Variants in EDNRB observed in about 807,000 individuals in gnomAD.
EDNRB encodes Hirschsprung disease 2.
In EDNRB, 18 loss-of-function variants were observed where a neutral mutation model predicts 46.4. That is an observed-to-expected ratio of 0.39 (90% CI 0.27 to 0.57). The LOEUF is 0.57. Among genes scored for constraint, EDNRB ranks in the 20% least tolerant of loss-of-function variants. The pLI, the probability that EDNRB is intolerant of heterozygous loss-of-function variation, is 0.61. For missense variants in EDNRB, 434 were observed against 537.5 expected, an observed-to-expected ratio of 0.81 and a Z score of 1.90; for synonymous variants, 213 against 204.9, an observed-to-expected ratio of 1.04 and a Z score of -0.34.
intron 1 of EDNRB, among the ~76,000 whole-genome samples, chr13:77,952,654 GA>G (rs1167016792): frequency 2.6e-5 from 4 of 152,112 alleles, no homozygotes; most frequent in Non-Finnish European, 1.5e-5. Flanking sequence ...TGTGGCTGAA[GA>G]AAAAATTTAA....
intron 1 of EDNRB, among the ~76,000 whole-genome samples, chr13:77,958,241 T>A (rs1881296137): frequency 6.6e-6 from 1 of 152,232 alleles, no homozygotes; most frequent in African/African-American, 2.4e-5. Flanking sequence ...CCACAGGTGA[T>A]TCTGATGGAT....
At chr13:77,933,964 G>A (rs1176659102) in intron 1 of EDNRB, among the ~76,000 whole-genome samples, 1 of 152,136 alleles carries the variant, frequency 6.6e-6, no homozygotes, top group Admixed American at 6.5e-5. Context: ...AGAATTGGGA[G>A]GACCCAGGAC....
chr13:77,913,606 T>C (rs1245363236), intron 1 of EDNRB, among the ~76,000 whole-genome samples: 1 of 152,148 alleles, frequency 6.6e-6, no homozygotes, highest in East Asian at 1.9e-4. Context: ...ATAAAGAGAG[T>C]TAATAAAATT....
chr13:77,914,949 A>G (rs1886480), intron 1 of EDNRB, among the ~76,000 whole-genome samples: 82,561 of 152,002 alleles, frequency 0.54, 23,163 homozygotes, highest in Non-Finnish European at 0.62. Context: ...TGTGCCAACA[A>G]GAGAGTAGGA....
intron 1 of EDNRB, among the ~76,000 whole-genome samples, chr13:77,911,067 C>A (rs986636945): frequency 2.6e-5 from 4 of 151,764 alleles, no homozygotes; most frequent in Non-Finnish European, 5.9e-5. Context: ...AAAATATATC[C>A]ATAGTTTGAG....
chr13:77,973,108 G>C (rs1401682812), intron 1 of EDNRB, among the ~76,000 whole-genome samples: 1 of 152,182 alleles, frequency 6.6e-6, no homozygotes, highest in African/African-American at 2.4e-5. Context: ...TAATTTTTAA[G>C]AAATTGACCA....
chr13:77,899,831 A>T, intron 6 of EDNRB, 28 bp downstream of exon 6: 1 of 1,548,086 alleles, frequency 6.5e-7, no homozygotes, highest in African/African-American at 1.4e-5. Flanking sequence ...TATTACAAAG[A>T]GCTTTTTATT....
intron 1 of EDNRB, among the ~76,000 whole-genome samples, chr13:77,958,955 G>A (rs1032717429): frequency 4.6e-5 from 7 of 152,214 alleles, no homozygotes; most frequent in Admixed American, 1.3e-4. Context: ...TGCAATGGAA[G>A]GACAATATCC....
At chr13:77,943,572 A>T (rs1371278001) in intron 1 of EDNRB, among the ~76,000 whole-genome samples, 3 of 152,130 alleles carry the variant, frequency 2.0e-5, no homozygotes, top group African/African-American at 7.2e-5. Flanking sequence ...TTTAAAATCT[A>T]ATCATTCAGC....
intron 1 of EDNRB, among the ~76,000 whole-genome samples, chr13:77,941,631 A>C (rs1880749228): frequency 6.6e-6 from 1 of 152,264 alleles, no homozygotes; most frequent in South Asian, 2.1e-4. Context: ...GAGGGGGCAC[A>C]GGCCATTGGA....
At chr13:77,957,343 C>T (rs1881269237) in intron 1 of EDNRB, among the ~76,000 whole-genome samples, 1 of 152,174 alleles carries the variant, frequency 6.6e-6, no homozygotes, top group South Asian at 2.1e-4. Context: ...ATAGCGTTAA[C>T]AGACTTTCAT....
At chr13:77,900,131 G>A (rs1878869595) in intron 5 of EDNRB, among the ~76,000 whole-genome samples, 164 bp from the exon 6 acceptor site, 1 of 151,922 alleles carries the variant, frequency 6.6e-6, no homozygotes, top group South Asian at 2.1e-4. Context: ...CTCTGTCTGT[G>A]TCCCCCTCTA....
At chr13:77,919,281 C>G (rs528046256), upstream of EDNRB, 48 of 1,104,024 alleles carry the variant, frequency 4.3e-5, no homozygotes, top group South Asian at 7.5e-4. Flanking sequence ...TTTAATTTGC[C>G]CTCTCTATAG....
intron 1 of EDNRB, among the ~76,000 whole-genome samples, chr13:77,943,500 C>T (rs1566330337): frequency 6.6e-6 from 1 of 152,058 alleles, no homozygotes; most frequent in African/African-American, 2.4e-5. Context: ...TTTAAGCATC[C>T]CGTAAGTACT....
At chr13:77,939,945 G>A (rs1421723516) in intron 1 of EDNRB, 1 of 151,774 alleles carries the variant, frequency 6.6e-6, no homozygotes, top group South Asian at 2.1e-4. Flanking sequence ...GCGGCGAGTC[G>A]AGATGGCATC....
At chr13:77,899,719 A>G (rs1357538491) in intron 6 of EDNRB, 140 bp downstream of exon 6, 2 of 689,502 alleles carry the variant, frequency 2.9e-6, no homozygotes, top group Non-Finnish European at 4.8e-6. Flanking sequence ...AGTTGTATTT[A>G]AAAAAATCAT....
chr13:77,951,655 A>T (rs1881093157), intron 1 of EDNRB, among the ~76,000 whole-genome samples: 1 of 152,174 alleles, frequency 6.6e-6, no homozygotes, highest in Non-Finnish European at 1.5e-5. Context: ...GTGGTGTCAA[A>T]CCCGTTCTTA....
rs202238915 is a variant in EDNRB at position 77,896,788 on chromosome 13, G to A, written c.*1412C>T. ...CCCCACCTCATTTCCTCTCTCTTCC[G>A]TTTTCTCTTGTACATACTTTCACAC... On this transcript the variant is annotated 3_prime_UTR_variant, in exon 7 of 7. Coordinates refer to ENST00000646607, the MANE Select transcript of EDNRB (RefSeq NM_001122659.3). The A allele has an allele frequency of 3.0e-3, 3,899 of 1,286,610 alleles. 3 individuals carry two copies. Among genetic ancestry groups the A allele is most frequent in the Middle Eastern group, 3.7e-3 (12 of 3,262 alleles). 79.7% of individuals were successfully genotyped at this position (1,286,610 alleles called of 1,614,324 possible). A position where few individuals can be genotyped will look rare whatever the true frequency, so the allele number is the denominator to read the frequency against.
intron 1 of EDNRB, among the ~76,000 whole-genome samples, chr13:77,950,325 G>T (rs1881056196): frequency 6.6e-6 from 1 of 152,174 alleles, no homozygotes; most frequent in Admixed American, 6.5e-5. Context: ...AGGTTGATAG[G>T]AGGCTCCACT....
Sources: allele counts gnomAD v4.1 joint callset (sites outside exome capture counted in the v4.1 genomes callset), GRCh38; gene constraint gnomAD v4.1.1; transcripts MANE v1.5; gene names NCBI Gene and HGNC (gene_info 2026-07-23, HGNC 2026-07-21).